Variants in TMEM139 observed in about 807,000 individuals in gnomAD.
TMEM139 encodes transmembrane protein 139.
In TMEM139, 9 loss-of-function variants were observed where a neutral mutation model predicts 15.9. That is an observed-to-expected ratio of 0.57 (90% confidence interval 0.34 to 0.99). The LOEUF is 0.99. TMEM139 is among the 50% of genes least tolerant of loss of function. The pLI is 0.02. For missense variants in TMEM139, 270 were observed against 267.7 expected (o/e 1.01, Z -0.06); for synonymous variants, 95 against 110.5 (o/e 0.86, Z 0.88).
In TMEM139 at chr7:143,286,560, C is replaced by A. The variant is rs757206102; in HGVS notation, c.382C>A (p.Pro128Thr). The change falls in exon 3 of 3, where the codon CCT (proline) becomes ACT (threonine). Residue 128 changes from proline (P) to threonine (T), a missense_variant. Coordinates refer to ENST00000359333, the MANE Select transcript of TMEM139 (RefSeq NM_001282876.2). ...ACCCCCAGCACCTGAGGAGGAACAA[C>A]CTAGCCATCCAGAGGGGTCCAGGAG... ...VIPPAPEEEQ[P>T]SHPEGSRRAK... 1.2e-6 allele frequency: 2 copies of A among 1,613,792 alleles called. No individual in the cohort carries two copies. The highest frequency in any genetic ancestry group is 2.2e-5 in the South Asian group (2 of 91,042).
At chr7:143,285,780 TAG>T in intron 1 of TMEM139, 159 bp from the exon 2 acceptor site, 1 of 911,618 alleles carries the variant, frequency 1.1e-6, no homozygotes, top group African/African-American at 1.7e-5. Flanking sequence ...CTCCAAGACA[TAG>T]AGAGAATTTC....
Position 143,286,925 on chromosome 7 carries a change from T to C in TMEM139, c.*96T>C. ...ACTATGTGTCAGAAACAAGTGTTTCTGCCTGGACATCATAAATGGGGACTT... is the reference window on the plus strand; with the variant it reads ...ACTATGTGTCAGAAACAAGTGTTTCCGCCTGGACATCATAAATGGGGACTT... On this transcript the variant is annotated 3_prime_UTR_variant, in exon 3 of 3. Coordinates refer to ENST00000359333, the MANE Select transcript of TMEM139 (RefSeq NM_001282876.2). The C allele has an allele frequency of 1.2e-5, 16 of 1,388,832 alleles. No homozygotes were observed. The highest frequency in any genetic ancestry group is 1.6e-5 in the Non-Finnish European group (16 of 1,028,368). The allele number at this position is 1,388,832 out of a possible 1,614,324, so 86.0% of individuals were successfully genotyped here. A position where few individuals can be genotyped will look rare whatever the true frequency, so the allele number is the denominator to read the frequency against.
At chr7:143,285,789 T>C (rs971992073) in intron 1 of TMEM139, 152 bp from the exon 2 acceptor site, 2 of 1,033,764 alleles carry the variant, frequency 1.9e-6, no homozygotes, top group Non-Finnish European at 1.4e-6. Context: ...ATAGAGAGAA[T>C]TTCGGAACTG....
In TMEM139 at chr7:143,286,120, C is replaced by G. The variant is rs774426300; in HGVS notation, c.163C>G (p.Leu55Val). 4.3e-6 allele frequency: 7 copies of G among 1,614,026 alleles called. No individual in the cohort carries two copies. The highest frequency in any genetic ancestry group is 5.9e-6 in the Non-Finnish European group (7 of 1,180,034). Residue 55 changes from leucine (L) to valine (V), a missense_variant, in exon 2 of 3, where the codon CTG (leucine) becomes GTG (valine). By Grantham distance (32) the Leu-to-Val change is conservative. Coordinates refer to ENST00000359333, the MANE Select transcript of TMEM139 (RefSeq NM_001282876.2). ...LGGFFLFAYL[L>V]VRFLEWGLRS... is the part of the protein sequence containing the mutation. ...TGGCTTCTTCTTGTTTGCCTATCTCCTGGTCCGGTTTCTGGAATGGGGGCT... is the reference window on the plus strand; with the variant it reads ...TGGCTTCTTCTTGTTTGCCTATCTCGTGGTCCGGTTTCTGGAATGGGGGCT...
chr7:143,287,233 A>G lies in TMEM139; in HGVS notation c.*404A>G. The stretch of plus-strand genomic sequence containing the variant: ...GAAAAATGAGGATTCCAAGAGTCAG[A>G]GGAGTTTGATAATGTGCACGAGGGC... On this transcript the variant is annotated 3_prime_UTR_variant, in exon 3 of 3. Coordinates refer to ENST00000359333, the MANE Select transcript of TMEM139 (RefSeq NM_001282876.2). The G allele has an allele frequency of 6.1e-6, 1 of 163,810 alleles. No homozygotes were observed. Among genetic ancestry groups the G allele is most frequent in the African/African-American group, 2.4e-5 (1 of 41,926 alleles). 10.1% of individuals were successfully genotyped at this position (163,810 alleles called of 1,614,324 possible). A position where few individuals can be genotyped will look rare whatever the true frequency, so the allele number is the denominator to read the frequency against.
At position 143,286,520 on chromosome 7, in the gene TMEM139, C is replaced by CCTG. The variant is rs777641100; in HGVS notation, c.342_343insCTG (p.Tyr114_Ser115insLeu). The CCTG allele has an allele frequency of 6.2e-7, 1 of 1,612,946 alleles. No homozygotes were observed. The highest frequency in any genetic ancestry group is 2.2e-5 in the East Asian group (1 of 44,836). ...AAGAGTTGGACCAACCACCCCCCTA[C>CCTG]AGCACTGTTGTGATACCCCCAGCAC... On this transcript the variant is annotated inframe_insertion, in exon 3 of 3. Coordinates refer to ENST00000359333, the MANE Select transcript of TMEM139 (RefSeq NM_001282876.2).
chr7:143,285,501 GCT>G (rs1209510266), intron 1 of TMEM139, 56 bp downstream of exon 1: 1 of 193,496 alleles, frequency 5.2e-6, no homozygotes, highest in African/African-American at 2.3e-5. Context: ...AGGGCCTCTG[GCT>G]GGGGAGGTGG....
chr7:143,286,367 A>C, intron 2 of TMEM139, 57 bp from the exon 3 acceptor site: 1 of 1,521,966 alleles, frequency 6.6e-7, no homozygotes, highest in African/African-American at 1.4e-5. Flanking sequence ...GACAAAAAAA[A>C]GGGAAAAAGG....
chr7:143,286,719 G>A lies in TMEM139; in HGVS notation c.541G>A (p.Ala181Thr). The A allele has an allele frequency of 6.2e-7, 1 of 1,614,170 alleles. No individual in the cohort carries two copies. The highest frequency in any genetic ancestry group is 8.5e-7 in the Non-Finnish European group (1 of 1,180,036). Residue 181 changes from alanine (A) to threonine (T), a missense_variant, in exon 3 of 3, where the codon GCG (alanine) becomes ACG (threonine). Ala to Thr is a moderately conservative substitution (Grantham distance 58, BLOSUM62 0). Coordinates refer to ENST00000359333, the MANE Select transcript of TMEM139 (RefSeq NM_001282876.2). ...VSTAPDLQSL[A>T]AVPTLEPLTP... ...CACTGCTCCTGATCTGCAGAGCTTG[G>A]CGGCAGTCCCCACATTAGAGCCTCT...
chr7:143,285,831 T>C, intron 1 of TMEM139, 110 bp from the exon 2 acceptor site: 1 of 1,430,742 alleles, frequency 7.0e-7, no homozygotes, highest in East Asian at 2.3e-5. Flanking sequence ...TATTTGAGAT[T>C]GAAGAACCTA....
chr7:143,286,785 G>A lies in TMEM139; in HGVS notation c.607G>A (p.Asp203Asn). 6.2e-7 allele frequency: 1 copy of A among 1,612,914 alleles called. No homozygotes were observed. Among genetic ancestry groups the A allele is most frequent in the Admixed American group, 1.7e-5 (1 of 59,932 alleles). ...CTATGATGTCTGCTTTGGTCACCCT[G>A]ATGATGATAGTGTTTTTTATGAGGA... is the stretch of plus-strand genomic sequence containing the variant. The part of the protein sequence containing the change: ...PAYDVCFGHP[D>N]DDSVFYEDNW... Residue 203 changes from aspartate (D) to asparagine (N), a missense_variant, in exon 3 of 3, where the codon GAT becomes AAT. Coordinates refer to ENST00000359333, the MANE Select transcript of TMEM139 (RefSeq NM_001282876.2).
At position 143,286,077 on chromosome 7, in the gene TMEM139, T is replaced by C; in HGVS notation, c.120T>C (p.Tyr40=). The change falls in exon 2 of 3, where the codon TAT becomes TAC. Residue 40 remains tyrosine, a synonymous_variant. Transcript: ENST00000359333. ...AGACGGACATCACCCCCGTTGCTTA[T>C]TTCTTTCTCACATTGGGTGGCTTCT... ...GIKTDITPVA[Y]FFLTLGGFFL... 2 of 1,614,008 alleles carry C rather than the reference T, an allele frequency of 1.2e-6. No individual in the cohort carries two copies. Among genetic ancestry groups the C allele is most frequent in the Non-Finnish European group, 1.7e-6 (2 of 1,179,882 alleles).
Position 143,285,175 on chromosome 7 carries a change from C to G in TMEM139, c.-288C>G, listed in dbSNP as rs547261387. On this transcript the variant is annotated 5_prime_UTR_variant, in exon 1 of 3. Transcript: ENST00000359333. ...AAAGAGTTCCCCTGCCCACCGCCTCCCAGCCACTGGGCTACCTCCTGGCAG... is the reference window on the plus strand; with the variant it reads ...AAAGAGTTCCCCTGCCCACCGCCTCGCAGCCACTGGGCTACCTCCTGGCAG... 1 of 152,568 alleles carries G rather than the reference C, an allele frequency of 6.6e-6. No individual in the cohort carries two copies. The highest frequency in any genetic ancestry group is 6.5e-5 in the Admixed American group (1 of 15,304). 9.5% of individuals were successfully genotyped at this position (152,568 alleles called of 1,614,324 possible). A position where few individuals can be genotyped will look rare whatever the true frequency, so the allele number is the denominator to read the frequency against.
Position 143,287,095 on chromosome 7 carries a change from C to G in TMEM139, c.*266C>G, listed in dbSNP as rs1801362367. 2.8e-6 allele frequency: 1 copy of G among 359,222 alleles called. No individual in the cohort carries two copies. 22.3% of individuals were successfully genotyped at this position (359,222 alleles called of 1,614,324 possible). ...TTGAGGATGAGGTAGGGAGGTGATCCAGAGAAGGCGGAGAAGGAAGAAGTA... is the reference window on the plus strand; with the variant it reads ...TTGAGGATGAGGTAGGGAGGTGATCGAGAGAAGGCGGAGAAGGAAGAAGTA... On this transcript the variant is annotated 3_prime_UTR_variant, in exon 3 of 3. Transcript: ENST00000359333.
chr7:143,286,643 C>A lies in TMEM139; in HGVS notation c.465C>A (p.Ser155Arg). The change falls in exon 3 of 3, where the codon AGC becomes AGA. Residue 155 changes from serine to arginine, a missense_variant. Coordinates refer to ENST00000359333, the MANE Select transcript of TMEM139 (RefSeq NM_001282876.2). Reference sequence around the variant, plus strand: ...AGGGGTCCATGGCCCAGGAAGGAAGCCCTGGAAGAGCTCCAATCAACCTTC... The same window carrying A: ...AGGGGTCCATGGCCCAGGAAGGAAGACCTGGAAGAGCTCCAATCAACCTTC... ...ASEGSMAQEGSPGRAPINLRL... is the reference protein window; with the variant it reads ...ASEGSMAQEGRPGRAPINLRL... The A allele has an allele frequency of 6.2e-7, 1 of 1,614,130 alleles. No individual in the cohort carries two copies. Among genetic ancestry groups the A allele is most frequent in the Non-Finnish European group, 8.5e-7 (1 of 1,180,018 alleles).
chr7:143,287,119 T>C lies in TMEM139; in HGVS notation c.*290T>C. ...CCAGAGAAGGCGGAGAAGGAAGAAG[T>C]AACCTCTGAGTGGCGGCTATTGCTT... is the stretch of plus-strand genomic sequence containing the variant. On this transcript the variant is annotated 3_prime_UTR_variant, in exon 3 of 3. Transcript: ENST00000359333. 2 of 308,734 alleles carry C rather than the reference T, an allele frequency of 6.5e-6. No individual in the cohort carries two copies. The highest frequency in any genetic ancestry group is 1.2e-5 in the Non-Finnish European group (2 of 166,694). 19.1% of individuals were successfully genotyped at this position (308,734 alleles called of 1,614,324 possible).
Position 143,286,037 on chromosome 7 carries a change from C to T in TMEM139, c.80C>T (p.Ala27Val), listed in dbSNP as rs529082006. 6.2e-7 allele frequency: 1 copy of T among 1,614,178 alleles called. No individual in the cohort carries two copies. Among genetic ancestry groups the T allele is most frequent in the South Asian group, 1.1e-5 (1 of 91,076 alleles). ...TGCGCCTCCTTCCTACTGGGGCTGG[C>T]TTTGCTGGGCATAAAGACGGACATC... Reference protein sequence around the residue: ...LCCASFLLGLALLGIKTDITP... With the variant: ...LCCASFLLGLVLLGIKTDITP... The change falls in exon 2 of 3, where the codon GCT becomes GTT. Residue 27 changes from alanine (A) to valine (V), a missense_variant. Coordinates refer to ENST00000359333, the MANE Select transcript of TMEM139 (RefSeq NM_001282876.2).
rs143721637 is a variant in TMEM139 at position 143,286,659 on chromosome 7, A to G, written c.481A>G (p.Ile161Val). 26 of 1,614,162 alleles carry G rather than the reference A, an allele frequency of 1.6e-5. 1 individual carries two copies. The East Asian group carries it at 5.1e-4, about 32-fold the overall frequency. Residue 161 changes from isoleucine (I) to valine (V), a missense_variant, in exon 3 of 3, where the codon ATC (isoleucine) becomes GTC (valine). By Grantham distance (29) the Ile-to-Val change is conservative. Transcript: ENST00000359333. ...AQEGSPGRAPINLRLRGPRAV... is the reference protein window; with the variant it reads ...AQEGSPGRAPVNLRLRGPRAV... ...GGAAGGAAGCCCTGGAAGAGCTCCA[A>G]TCAACCTTCGGCTTCGGGGACCACG...
At chr7:143,285,629 T>C (rs1472683484) in intron 1 of TMEM139, 184 bp downstream of exon 1, 2 of 341,216 alleles carry the variant, frequency 5.9e-6, no homozygotes, top group Non-Finnish European at 1.1e-5. Flanking sequence ...CAGGACCGGA[T>C]CCTGGATGGT....
Sources: allele counts gnomAD v4.1 joint callset, GRCh38; gene constraint gnomAD v4.1.1; transcripts MANE v1.5; gene names NCBI Gene and HGNC (gene_info 2026-07-23, HGNC 2026-07-21).